The following PAN3 variants were observed in gnomAD, a reference collection of about 807,000 sequenced individuals.
The protein encoded by PAN3 is poly(A) specific ribonuclease subunit PAN3.
A neutral mutation model predicts 96.2 loss-of-function variants in PAN3; 19 were observed. That is an observed-to-expected ratio of 0.20 (90% CI 0.14 to 0.29). The LOEUF is 0.29. Among genes scored for constraint, PAN3 ranks in the 10% least tolerant of loss-of-function variants. The probability of loss-of-function intolerance (pLI) is 1.00; values close to 1 mark genes in which losing one functional copy is unlikely to be tolerated. For missense variants in PAN3, 882 were observed against 1,108.1 expected (o/e 0.80, Z 2.90); for synonymous variants, 433 against 406.6 (o/e 1.06, Z -0.78).
At chr13:28,186,359 G>C (rs1876467760) in intron 4 of PAN3, among the ~76,000 whole-genome samples, 1 of 152,140 alleles carries the variant, frequency 6.6e-6, no homozygotes, top group Non-Finnish European at 1.5e-5. Flanking sequence ...TTAATTTTGA[G>C]ATAATAGGCA....
At chr13:28,284,381 AT>A (rs71086842) in intron 17 of PAN3, among the ~76,000 whole-genome samples, 6,716 of 132,440 alleles carry the variant, frequency 0.051, 259 homozygotes, top group African/African-American at 0.14. Context: ...TCTTTTTGTG[AT>A]TTTTTTTTTT....
At chr13:28,146,294 T>TTC (rs1216261153) in intron 1 of PAN3, among the ~76,000 whole-genome samples, 1 of 137,240 alleles carries the variant, frequency 7.3e-6, no homozygotes, top group African/African-American at 3.0e-5. Flanking sequence ...TTTTTCCTCT[T>TTC]TCTCTGTCTC....
At chr13:28,239,918 C>T in intron 6 of PAN3, 1 of 275,184 alleles carries the variant, frequency 3.6e-6, no homozygotes, top group Non-Finnish European at 7.3e-6. Context: ...ACTGAGAGGT[C>T]AGCATAGAAG....
intron 4 of PAN3, 42 bp from the exon 5 acceptor site, chr13:28,197,143 G>A: frequency 6.3e-7 from 1 of 1,591,078 alleles, no homozygotes. Flanking sequence ...TTAGTGTGGG[G>A]GATGTTAGGA....
rs1184255609 is a variant in PAN3, at chr13:28,293,392, T to G, written c.*870T>G. 11 of 44,176 alleles carry G rather than the reference T, an allele frequency of 2.5e-4. No homozygotes were observed. The highest frequency in any genetic ancestry group is 9.5e-4 in the South Asian group (1 of 1,048). 2.7% of individuals were successfully genotyped at this position (44,176 alleles called of 1,614,324 possible). ...AGGTTCTTTCCAGTTTGCTGGTTTT[T>G]TTTTTTTTTTTTTTTTTTTTTTTTG... On this transcript the variant is annotated 3_prime_UTR_variant, in exon 19 of 19. Coordinates refer to ENST00000380958, the MANE Select transcript of PAN3 (RefSeq NM_175854.8).
chr13:28,140,250 A>G (rs571847190), intron 1 of PAN3, among the ~76,000 whole-genome samples: 10 of 152,178 alleles, frequency 6.6e-5, no homozygotes, highest in Non-Finnish European at 1.3e-4. Context: ...GTTAGTTGTT[A>G]GTGGAGTTTA....
At chr13:28,246,021 C>T (rs1884147917) in intron 6 of PAN3, among the ~76,000 whole-genome samples, 1 of 152,070 alleles carries the variant, frequency 6.6e-6, no homozygotes, top group African/African-American at 2.4e-5. Context: ...TTTTAGTGCT[C>T]TTCGGTAATA....
chr13:28,242,850 T>C (rs1323771912), intron 6 of PAN3, among the ~76,000 whole-genome samples: 2 of 152,354 alleles, frequency 1.3e-5, no homozygotes, highest in Non-Finnish European at 1.5e-5. Context: ...TTCCACAAAG[T>C]TTTGTAATTA....
chr13:28,232,506 C>T (rs756228528), intron 6 of PAN3: 3 of 151,950 alleles, frequency 2.0e-5, no homozygotes, highest in Admixed American at 1.3e-4. Context: ...AATGTATGCT[C>T]ACTTTGGCAG....
intron 3 of PAN3, 68 bp from the exon 4 acceptor site, chr13:28,177,792 CAAATT>C (rs1486759339): frequency 6.5e-6 from 8 of 1,224,796 alleles, no homozygotes; most frequent in African/African-American, 1.5e-5. Flanking sequence ...TAGGCATTGT[CAAATT>C]AAACAGTTAT....
intron 4 of PAN3, among the ~76,000 whole-genome samples, chr13:28,191,877 C>A (rs907449400): frequency 6.6e-6 from 1 of 151,632 alleles, no homozygotes; most frequent in African/African-American, 2.4e-5. Context: ...GTAGGTGGGA[C>A]TATAGGCATG....
chr13:28,235,682 T>TATACACACACACACACAC (rs763764468), intron 6 of PAN3, among the ~76,000 whole-genome samples: 2 of 123,400 alleles, frequency 1.6e-5, no homozygotes, highest in African/African-American at 7.0e-5. Context: ...TTCTCTAATA[T>TATACACACACACACACAC]ACACACACAC....
chr13:28,286,276 T>C (rs1427479794), intron 17 of PAN3, among the ~76,000 whole-genome samples: 3 of 152,180 alleles, frequency 2.0e-5, no homozygotes, highest in Admixed American at 2.0e-4. Context: ...ATTTGTTGAA[T>C]AGGGTGTCAT....
intron 1 of PAN3, among the ~76,000 whole-genome samples, chr13:28,161,072 CTTTT>C (rs747007255): frequency 6.6e-6 from 1 of 152,118 alleles, no homozygotes; most frequent in Non-Finnish European, 1.5e-5. Context: ...TCCATTTTCC[CTTTT>C]TTTATCTTGT....
At chr13:28,247,708 G>A (rs1222967076) in intron 6 of PAN3, among the ~76,000 whole-genome samples, 2 of 152,048 alleles carry the variant, frequency 1.3e-5, no homozygotes, top group Non-Finnish European at 2.9e-5. Context: ...GGTGTTCTTG[G>A]CACCGTTATG....
At chr13:28,217,181 T>C (rs1880886047) in intron 5 of PAN3, among the ~76,000 whole-genome samples, 3 of 151,980 alleles carry the variant, frequency 2.0e-5, no homozygotes, top group Non-Finnish European at 4.4e-5. Context: ...TGATTTATTA[T>C]ATTTGGGTCT....
intron 12 of PAN3, among the ~76,000 whole-genome samples, chr13:28,269,064 C>T (rs1886405050): frequency 6.6e-6 from 1 of 152,106 alleles, no homozygotes; most frequent in Admixed American, 6.6e-5. Flanking sequence ...TGTTTCTCAA[C>T]TGCTTAAGTT....
chr13:28,187,908 G>A (rs994712865), intron 4 of PAN3, among the ~76,000 whole-genome samples: 1 of 152,038 alleles, frequency 6.6e-6, no homozygotes, highest in African/African-American at 2.4e-5. Flanking sequence ...TGCCCAGGCT[G>A]GTCTTGAACT....
At chr13:28,186,037 C>G (rs1244180282) in intron 4 of PAN3, among the ~76,000 whole-genome samples, 1 of 152,138 alleles carries the variant, frequency 6.6e-6, no homozygotes, top group Non-Finnish European at 1.5e-5. Flanking sequence ...TAACCAAAAC[C>G]GTGTGGTTTT....
Sources: allele counts gnomAD v4.1 joint callset (sites outside exome capture counted in the v4.1 genomes callset), GRCh38; gene constraint gnomAD v4.1.1; transcripts MANE v1.5; gene names NCBI Gene and HGNC (gene_info 2026-07-23, HGNC 2026-07-21).